EXOC4: variants seen among roughly 807,000 people sequenced by gnomAD.
EXOC4 encodes the protein SEC8-like 1.
In EXOC4, 71 loss-of-function variants were observed where a neutral mutation model predicts 107.2. The ratio of observed to expected loss-of-function variants is 0.66; its 90% confidence interval spans 0.55 to 0.81. The LOEUF (loss-of-function observed/expected upper bound fraction) is 0.81. Ranked by LOEUF, EXOC4 falls within the 30% of genes least tolerant of loss-of-function variation. The pLI is 0.00. For synonymous variants in EXOC4, 456 were observed against 441.2 expected, an observed-to-expected ratio of 1.03 and a Z score of -0.42; for missense variants, 1,108 against 1,189.6, an observed-to-expected ratio of 0.93 and a Z score of 1.01.
intron 7 of EXOC4, among the ~76,000 whole-genome samples, chr7:133,403,453 C>G (rs1348528658): frequency 2.0e-5 from 3 of 152,126 alleles, no homozygotes; most frequent in Non-Finnish European, 4.4e-5. Context: ...TCAGAACTTC[C>G]TTGTTGATTG....
At chr7:133,820,082 A>T (rs1797476446) in intron 11 of EXOC4, among the ~76,000 whole-genome samples, 1 of 151,266 alleles carries the variant, frequency 6.6e-6, no homozygotes, top group African/African-American at 2.4e-5. Flanking sequence ...ATAAGTGAAT[A>T]AGTCTTGAGG....
chr7:133,909,948 A>C (rs1332623096), intron 12 of EXOC4, among the ~76,000 whole-genome samples: 5 of 53,298 alleles, frequency 9.4e-5, no homozygotes, highest in African/African-American at 3.3e-4. Context: ...TTTTTTGAGG[A>C]GTTTTGCTCT....
chr7:133,928,955 C>T (rs527405590), intron 13 of EXOC4, among the ~76,000 whole-genome samples: 4 of 94,310 alleles, frequency 4.2e-5, no homozygotes, highest in East Asian at 3.7e-4. Flanking sequence ...TTTTTTGAGA[C>T]GGAGTCTCCA....
intron 9 of EXOC4, among the ~76,000 whole-genome samples, chr7:133,602,381 C>T (rs1801829395): frequency 6.6e-6 from 1 of 152,162 alleles, no homozygotes; most frequent in Non-Finnish European, 1.5e-5. Flanking sequence ...AAAGTTCTGG[C>T]TCTTTTCCCA....
At chr7:133,442,460 G>C (rs959025150) in intron 7 of EXOC4, among the ~76,000 whole-genome samples, 1 of 152,100 alleles carries the variant, frequency 6.6e-6, no homozygotes, top group African/African-American at 2.4e-5. Context: ...CCCCAAGAGC[G>C]GGCAGTCTGA....
At chr7:133,791,604 A>T (rs973224517) in intron 10 of EXOC4, among the ~76,000 whole-genome samples, 2 of 152,218 alleles carry the variant, frequency 1.3e-5, no homozygotes, top group Admixed American at 6.5e-5. Context: ...AAAATATTTC[A>T]AAACAAAATG....
At chr7:133,518,077 A>G (rs1007512172) in intron 9 of EXOC4, among the ~76,000 whole-genome samples, 1 of 151,836 alleles carries the variant, frequency 6.6e-6, no homozygotes, top group Admixed American at 6.6e-5. Flanking sequence ...TTCATCCTTG[A>G]AGAGGTCAGC....
chr7:133,450,702 G>A (rs919487767), intron 7 of EXOC4, among the ~76,000 whole-genome samples: 2 of 152,116 alleles, frequency 1.3e-5, no homozygotes, highest in Non-Finnish European at 2.9e-5. Context: ...ATGCAAATCT[G>A]TTTTTCTGAG....
chr7:133,855,082 AATATATATAAAT>A (rs1347454606), intron 11 of EXOC4, among the ~76,000 whole-genome samples: 44 of 76,752 alleles, frequency 5.7e-4, no homozygotes, highest in East Asian at 1.8e-3. Flanking sequence ...AATATATCTA[AATATATATAAAT>A]ATATATATAA....
intron 3 of EXOC4, among the ~76,000 whole-genome samples, chr7:133,301,411 T>C (rs1390276350): frequency 6.6e-6 from 1 of 152,240 alleles, no homozygotes; most frequent in Non-Finnish European, 1.5e-5. Flanking sequence ...TATATCTTTT[T>C]ACTGCAACTC....
chr7:134,040,942 C>A (rs905902147), intron 17 of EXOC4, among the ~76,000 whole-genome samples: 1 of 152,128 alleles, frequency 6.6e-6, no homozygotes, highest in Non-Finnish European at 1.5e-5. Context: ...CAAGCCTAAT[C>A]CTTGGCTGAA....
intron 2 of EXOC4, among the ~76,000 whole-genome samples, chr7:133,284,374 A>C (rs1176261627): frequency 6.6e-6 from 1 of 152,188 alleles, no homozygotes; most frequent in African/African-American, 2.4e-5. Flanking sequence ...TGAGAACTAT[A>C]GTAGCAAGGT....
chr7:133,776,961 G>A (rs1010468310), intron 10 of EXOC4, among the ~76,000 whole-genome samples: 1 of 152,082 alleles, frequency 6.6e-6, no homozygotes, highest in Non-Finnish European at 1.5e-5. Flanking sequence ...GGTCCATTTA[G>A]CCTTCTGAAA....
chr7:133,792,717 G>T (rs536757639), intron 10 of EXOC4, among the ~76,000 whole-genome samples: 1 of 152,136 alleles, frequency 6.6e-6, no homozygotes, highest in African/African-American at 2.4e-5. Flanking sequence ...CTATGTTGAA[G>T]CCTTAAGTGG....
intron 14 of EXOC4, among the ~76,000 whole-genome samples, chr7:133,962,525 A>T (rs1049709817): frequency 2.6e-5 from 4 of 151,912 alleles, no homozygotes; most frequent in African/African-American, 9.7e-5. Context: ...GCCACCTTCG[A>T]CCCTCTGGTT....
Position 133,356,430 on chromosome 7 carries a change from AC to A in EXOC4, c.865del (p.Leu289Ter). ...GTATCCTCATTAAGGGCTTGGCGAA[AC>A]TGAAGAAGATCCCAGAAACAGTTAA... ...MGILIKGLAK[L>X]KKIPETVKAI... On this transcript the variant is annotated frameshift_variant, in exon 6 of 18. Coordinates refer to ENST00000253861, the MANE Select transcript of EXOC4 (RefSeq NM_021807.4). LOFTEE classifies it high-confidence loss of function. 6.2e-7 allele frequency: 1 copy of A among 1,614,172 alleles called. No homozygotes were observed.
intron 14 of EXOC4, among the ~76,000 whole-genome samples, chr7:133,995,728 A>G (rs1449063811): frequency 6.6e-6 from 1 of 152,032 alleles, no homozygotes; most frequent in Middle Eastern, 3.2e-3. Flanking sequence ...TATGTTTGCC[A>G]TGTTATTTTA....
chr7:133,921,521 T>TTGTC (rs1449298221), intron 13 of EXOC4, among the ~76,000 whole-genome samples: 1 of 152,208 alleles, frequency 6.6e-6, no homozygotes, highest in African/African-American at 2.4e-5. Context: ...CACTCTCTTC[T>TTGTC]TGTCTGCATG....
intron 3 of EXOC4, among the ~76,000 whole-genome samples, chr7:133,300,108 G>A (rs988361710): frequency 6.6e-6 from 1 of 152,072 alleles, no homozygotes; most frequent in Non-Finnish European, 1.5e-5. Context: ...AGGGAGATAG[G>A]GCACCTGAAT....
Sources: gnomAD v4.1 joint callset for allele counts (sites outside exome capture counted in the v4.1 genomes callset) on GRCh38, gnomAD v4.1.1 for gene constraint, MANE v1.5 for transcripts, NCBI Gene and HGNC (gene_info 2026-07-23, HGNC 2026-07-21) for gene names.